Variants in GRIN2B observed in about 807,000 individuals in gnomAD.
GRIN2B encodes the protein glutamate receptor ionotropic, NMDA 2B.
In GRIN2B, 5 loss-of-function variants were observed where a neutral mutation model predicts 114.5. The observed-to-expected ratio is 0.04, with a 90% CI of 0.02 to 0.09. The LOEUF (loss-of-function observed/expected upper bound fraction) is 0.09. Among genes scored for constraint, GRIN2B ranks in the 10% least tolerant of loss-of-function variants. GRIN2B has a pLI of 1.00. For synonymous variants in GRIN2B, 787 were observed against 745.1 expected, an observed-to-expected ratio of 1.06 and a Z score of -0.92; for missense variants, 1,108 against 1,943.5, an observed-to-expected ratio of 0.57 and a Z score of 8.08.
At chr12:13,708,232 G>T (rs1035894224) in intron 4 of GRIN2B, among the ~76,000 whole-genome samples, 4 of 152,096 alleles carry the variant, frequency 2.6e-5, no homozygotes, top group African/African-American at 9.7e-5. Flanking sequence ...GAGAGGCTAT[G>T]TCCTCTCCTT....
intron 5 of GRIN2B, among the ~76,000 whole-genome samples, chr12:13,662,178 C>A (rs1052816464): frequency 6.6e-6 from 1 of 152,064 alleles, no homozygotes; most frequent in African/African-American, 2.4e-5. Flanking sequence ...ATGTTCATAG[C>A]CTGATGTGAC....
chr12:13,910,768 A>G (rs755333237), intron 2 of GRIN2B, among the ~76,000 whole-genome samples: 7 of 152,212 alleles, frequency 4.6e-5, no homozygotes, highest in Non-Finnish European at 1.0e-4. Flanking sequence ...ATCCTTTAGC[A>G]TGACTGAAAA....
chr12:13,672,360 A>G (rs970134379), intron 5 of GRIN2B, among the ~76,000 whole-genome samples: 1 of 152,148 alleles, frequency 6.6e-6, no homozygotes, highest in African/African-American at 2.4e-5. Context: ...TTATCTGTCC[A>G]GTGTTCAAAT....
Position 13,753,972 on chromosome 12 carries a change from T to A in GRIN2B, c.412-57A>T. ...GAGAAAAAAATCAAACCAAAGATGG[T>A]AATGGAGATTTTGAACCAAGTGGGT... On this transcript the variant is annotated intron_variant, in intron 3 of 13. Transcript: ENST00000609686. The surrounding 1 kb of genome is among the most constrained non-coding windows in gnomAD (Gnocchi z 6.2). 8.8e-7 allele frequency: 1 copy of A among 1,134,202 alleles called. No homozygotes were observed. Among genetic ancestry groups the A allele is most frequent in the Non-Finnish European group, 1.3e-6 (1 of 750,052 alleles). The allele number at this position is 1,134,202 out of a possible 1,614,324, so 70.3% of individuals were successfully genotyped here.
At chr12:13,616,926 C>A (rs1949451338) in intron 5 of GRIN2B, among the ~76,000 whole-genome samples, 1 of 152,210 alleles carries the variant, frequency 6.6e-6, no homozygotes, top group Non-Finnish European at 1.5e-5. Flanking sequence ...CCTGTTAAGA[C>A]CCATGGCTCA....
At chr12:13,808,936 G>A (rs1864674261) in intron 3 of GRIN2B, among the ~76,000 whole-genome samples, 1 of 151,866 alleles carries the variant, frequency 6.6e-6, no homozygotes, top group Admixed American at 6.6e-5. Context: ...CTCTTTAGTT[G>A]GACCCAAACA....
chr12:13,732,727 C>T (rs750987698), intron 4 of GRIN2B, among the ~76,000 whole-genome samples: 1 of 152,106 alleles, frequency 6.6e-6, no homozygotes, highest in Non-Finnish European at 1.5e-5. Context: ...TAGCTCTTTG[C>T]AAAGTAGGTA....
At chr12:13,778,006 GA>G (rs575445986) in intron 3 of GRIN2B, among the ~76,000 whole-genome samples, 1 of 152,126 alleles carries the variant, frequency 6.6e-6, no homozygotes, top group African/African-American at 2.4e-5. Flanking sequence ...ACACAAAGGA[GA>G]AAAAAATCTA....
chr12:13,556,985 A>C lies in GRIN2B; in HGVS notation c.*5798T>G, dbSNP rs1948485290. On this transcript the variant is annotated 3_prime_UTR_variant, in exon 14 of 14. Transcript: ENST00000609686. ...GTAAATGAGAAGCCCTAAACGTCAC[A>C]GTTCTCTCCAAGGCATGAAAGTAGC... 6.6e-6 allele frequency: 1 copy of C among 152,174 alleles called. No individual in the cohort carries two copies. The highest frequency in any genetic ancestry group is 2.4e-5 in the African/African-American group (1 of 41,438). 9.4% of individuals were successfully genotyped at this position (152,174 alleles called of 1,614,324 possible).
chr12:13,964,590 T>G (rs978255861), intron 2 of GRIN2B, among the ~76,000 whole-genome samples: 1 of 152,220 alleles, frequency 6.6e-6, no homozygotes. Flanking sequence ...CTGCCATTCA[T>G]AGATGGGCTT....
At chr12:13,784,179 G>A (rs888382941) in intron 3 of GRIN2B, among the ~76,000 whole-genome samples, 3 of 126,216 alleles carry the variant, frequency 2.4e-5, no homozygotes, top group African/African-American at 9.0e-5. Flanking sequence ...AGCCAAGATC[G>A]CGCCACTGCA....
intron 13 of GRIN2B, 119 bp downstream of exon 13, chr12:13,566,906 G>T (rs1211313738): frequency 2.1e-5 from 16 of 773,420 alleles, no homozygotes; most frequent in Admixed American, 1.8e-4. Flanking sequence ...TACATGATGT[G>T]GTTTCTTGCT....
At chr12:13,725,809 G>A (rs559880529) in intron 4 of GRIN2B, among the ~76,000 whole-genome samples, 1 of 152,218 alleles carries the variant, frequency 6.6e-6, no homozygotes, top group South Asian at 2.1e-4. Flanking sequence ...TTCTGATGCT[G>A]CCAGAATGAA....
At chr12:13,928,127 A>G (rs1268493609) in intron 2 of GRIN2B, among the ~76,000 whole-genome samples, 3 of 152,006 alleles carry the variant, frequency 2.0e-5, no homozygotes, top group East Asian at 3.9e-4. Context: ...CCTGGCCAAC[A>G]TGGTGAAACC....
At chr12:13,728,046 T>G (rs1863022124) in intron 4 of GRIN2B, among the ~76,000 whole-genome samples, 1 of 152,212 alleles carries the variant, frequency 6.6e-6, no homozygotes, top group Non-Finnish European at 1.5e-5. Context: ...CCCAGCCACC[T>G]CCATTGTTGG....
At chr12:13,835,771 TAAAAAAAAAAAA>T (rs1165005583) in intron 3 of GRIN2B, among the ~76,000 whole-genome samples, 4 of 91,494 alleles carry the variant, frequency 4.4e-5, no homozygotes, top group Non-Finnish European at 8.2e-5. Flanking sequence ...CATAGCACAT[TAAAAAAAAAAAA>T]AAAAAAAAAA....
intron 3 of GRIN2B, among the ~76,000 whole-genome samples, chr12:13,823,766 T>C (rs1026974600): frequency 2.6e-5 from 4 of 152,162 alleles, no homozygotes; most frequent in Non-Finnish European, 5.9e-5. Flanking sequence ...TTTTCACTAT[T>C]GAGTATGATG....
At chr12:13,752,425 G>A (rs7299420) in intron 4 of GRIN2B, among the ~76,000 whole-genome samples, 1,988 of 152,224 alleles carry the variant, frequency 0.013, 41 homozygotes, top group African/African-American at 0.044. Context: ...AGATGTTCAC[G>A]AATTATTTCT....
intron 3 of GRIN2B, among the ~76,000 whole-genome samples, chr12:13,776,797 T>C (rs372344861): frequency 6.6e-6 from 1 of 152,022 alleles, no homozygotes; most frequent in Non-Finnish European, 1.5e-5. Context: ...GAGAGGAACA[T>C]GATTATCAAA....
Sources: gnomAD v4.1 joint callset for allele counts (sites outside exome capture counted in the v4.1 genomes callset) on GRCh38, gnomAD v4.1.1 for gene constraint, Gnocchi (gnomAD v3.1) non-coding constraint, MANE v1.5 for transcripts, NCBI Gene and HGNC (gene_info 2026-07-23, HGNC 2026-07-21) for gene names.